LGR5: variants seen among roughly 807,000 people sequenced by gnomAD.
The protein encoded by LGR5 is leucine-rich repeat-containing G protein-coupled receptor 5.
Under a neutral mutation model 76.7 loss-of-function variants are expected in LGR5, and 54 were observed. The ratio of observed to expected loss-of-function variants is 0.70; its 90% CI spans 0.57 to 0.88. The LOEUF is 0.88. Among genes scored for constraint, LGR5 ranks in the 40% least tolerant of loss-of-function variants. The probability of loss-of-function intolerance (pLI) is 0.00; values close to 1 mark genes in which losing one functional copy is unlikely to be tolerated. For synonymous variants in LGR5, 406 were observed against 421.9 expected (o/e 0.96, Z 0.46); for missense variants, 1,078 against 1,073.3 (o/e 1.00, Z -0.06).
chr12:71,508,681 G>C (rs1163511058), intron 2 of LGR5, among the ~76,000 whole-genome samples: 1 of 144,604 alleles, frequency 6.9e-6, no homozygotes, highest in African/African-American at 2.6e-5. Flanking sequence ...TTGAACCTGG[G>C]AGACAGAGAT....
At chr12:71,537,355 G>C (rs1051414043) in intron 4 of LGR5, among the ~76,000 whole-genome samples, 1 of 152,068 alleles carries the variant, frequency 6.6e-6, no homozygotes, top group Non-Finnish European at 1.5e-5. Context: ...CGCAGTCCCA[G>C]CTAGTCGGGA....
At chr12:71,566,765 T>G in intron 10 of LGR5, 65 bp downstream of exon 10, 3 of 1,570,412 alleles carry the variant, frequency 1.9e-6, no homozygotes, top group South Asian at 2.2e-5. Flanking sequence ...TTGATCAGTC[T>G]TAACATCAGT....
At chr12:71,485,040 A>G (rs1427356532) in intron 1 of LGR5, among the ~76,000 whole-genome samples, 9 of 152,202 alleles carry the variant, frequency 5.9e-5, no homozygotes, top group Admixed American at 5.9e-4. Context: ...AACTATAAAC[A>G]TCAATATGCT....
At chr12:71,545,691 C>T (rs562702954) in intron 4 of LGR5, among the ~76,000 whole-genome samples, 51 of 151,946 alleles carry the variant, frequency 3.4e-4, no homozygotes, top group African/African-American at 1.2e-3. Flanking sequence ...TTTTGACTAA[C>T]ACTTTACTTC....
intron 13 of LGR5, among the ~76,000 whole-genome samples, chr12:71,574,503 C>T (rs907882701): frequency 6.6e-6 from 1 of 151,994 alleles, no homozygotes; most frequent in African/African-American, 2.4e-5. Context: ...GTTTGGATCA[C>T]CATCATCCTC....
At chr12:71,537,516 CAT>C (rs1277244065) in intron 4 of LGR5, among the ~76,000 whole-genome samples, 1 of 151,976 alleles carries the variant, frequency 6.6e-6, no homozygotes, top group Non-Finnish European at 1.5e-5. Context: ...GCATGATAAA[CAT>C]AGGCTGAACC....
chr12:71,576,058 G>A (rs1251076920), intron 13 of LGR5, among the ~76,000 whole-genome samples: 1 of 152,074 alleles, frequency 6.6e-6, no homozygotes, highest in Non-Finnish European at 1.5e-5. Context: ...TGGACACAGG[G>A]AGAGAGATAC....
chr12:71,539,829 A>G (rs1275876858), intron 4 of LGR5, among the ~76,000 whole-genome samples: 1 of 152,178 alleles, frequency 6.6e-6, no homozygotes, highest in Non-Finnish European at 1.5e-5. Flanking sequence ...GGGCTAAGGA[A>G]TAAGAGTGCA....
At chr12:71,524,056 C>T (rs529693842) in intron 2 of LGR5, among the ~76,000 whole-genome samples, 6 of 152,094 alleles carry the variant, frequency 3.9e-5, no homozygotes, top group Non-Finnish European at 8.8e-5. Context: ...TTGTAAAACT[C>T]GTGACAGTCA....
chr12:71,453,913 C>A (rs1029990993), intron 1 of LGR5, among the ~76,000 whole-genome samples: 1 of 152,036 alleles, frequency 6.6e-6, no homozygotes, highest in African/African-American at 2.4e-5. Flanking sequence ...AGGCTAATAT[C>A]ATTCCCTGAG....
At chr12:71,576,807 ACT>A (rs1878876232) in intron 13 of LGR5, among the ~76,000 whole-genome samples, 2 of 152,136 alleles carry the variant, frequency 1.3e-5, no homozygotes, top group South Asian at 2.1e-4. Context: ...TGCCAAAAAG[ACT>A]CTGACAGATG....
At chr12:71,479,602 T>A (rs1873495176) in intron 1 of LGR5, among the ~76,000 whole-genome samples, 1 of 151,962 alleles carries the variant, frequency 6.6e-6, no homozygotes, top group Non-Finnish European at 1.5e-5. Context: ...AAAGGACATA[T>A]TCTTTGAGAG....
At chr12:71,502,473 C>T (rs1282403158) in intron 1 of LGR5, among the ~76,000 whole-genome samples, 1 of 152,170 alleles carries the variant, frequency 6.6e-6, no homozygotes, top group Admixed American at 6.5e-5. Context: ...GCTGGGATTA[C>T]AGGCGTGAGC....
chr12:71,467,098 G>A (rs1872897785), intron 1 of LGR5, among the ~76,000 whole-genome samples: 1 of 151,904 alleles, frequency 6.6e-6, no homozygotes, highest in East Asian at 1.9e-4. Context: ...AAACCGGTGG[G>A]GTTTGTTTCT....
At chr12:71,531,961 C>A (rs1033765270) in intron 3 of LGR5, among the ~76,000 whole-genome samples, 5 of 151,990 alleles carry the variant, frequency 3.3e-5, no homozygotes, top group Non-Finnish European at 7.4e-5. Context: ...CGCAACTATT[C>A]AATGACAAAA....
At chr12:71,448,656 TATG>T in intron 1 of LGR5, 1 of 152,342 alleles carries the variant, frequency 6.6e-6, no homozygotes, top group African/African-American at 2.4e-5. Flanking sequence ...TTTTTACATA[TATG>T]GTTGTTATTA....
Position 71,486,726 on chromosome 12 carries a change from A to G in LGR5, c.213-17888A>G, listed in dbSNP as rs150536941. ...ACTGAGGTCAAATTATTTATCTCAG[A>G]TTGTACTCCTTGAAGAGAATTTAAA... is the stretch of plus-strand genomic sequence containing the variant. On this transcript the variant is annotated intron_variant, in intron 1 of 17. Coordinates refer to ENST00000266674, the MANE Select transcript of LGR5 (RefSeq NM_003667.4). Among the ~76,000 whole-genome samples the G allele has an allele frequency of 1.4e-3, 216 of 152,224 alleles. 1 individual carries two copies. Among genetic ancestry groups the G allele is most frequent in the African/African-American group, 5.0e-3 (209 of 41,536 alleles).
chr12:71,439,479 G>T (rs1871635717), upstream of LGR5, among the ~76,000 whole-genome samples: 1 of 152,096 alleles, frequency 6.6e-6, no homozygotes, highest in Non-Finnish European at 1.5e-5. Context: ...TCCGAAGCAG[G>T]TCCCTCTCGA....
chr12:71,565,422 C>CTA lies in LGR5; in HGVS notation c.858-961_858-960dup, dbSNP rs1209363296. 8.7e-3 allele frequency among the ~76,000 whole-genome samples: 122 copies of CTA among 13,978 alleles called. 1 individual carries two copies. Among genetic ancestry groups the CTA allele is most frequent in the African/African-American group, 0.01 (112 of 10,858 alleles). 9.2% of individuals were successfully genotyped at this position (13,978 alleles called of 152,430 possible). A position where few individuals can be genotyped will look rare whatever the true frequency, so the allele number is the denominator to read the frequency against. ...AAAGTTGTTGCATGGATCAATTGAGCTATATATATATATATATATATAGCT... is the reference window on the plus strand; with the variant it reads ...AAAGTTGTTGCATGGATCAATTGAGCTATATATATATATATATATATATAGCT... On this transcript the variant is annotated intron_variant, in intron 8 of 17. Transcript: ENST00000266674.
Sources: allele counts gnomAD v4.1 joint callset (sites outside exome capture counted in the v4.1 genomes callset), GRCh38; gene constraint gnomAD v4.1.1; transcripts MANE v1.5; gene names NCBI Gene and HGNC (gene_info 2026-07-23, HGNC 2026-07-21).